Variants in IL1RAPL2 observed in about 807,000 individuals in gnomAD.
The protein encoded by IL1RAPL2 is X-linked interleukin-1 receptor accessory protein-like 2.
In IL1RAPL2, 3 loss-of-function variants were observed where a neutral mutation model predicts 44.1. That is an observed-to-expected ratio of 0.07 (90% CI 0.03 to 0.18). The LOEUF is 0.18. Among genes scored for constraint, IL1RAPL2 ranks in the 10% least tolerant of loss-of-function variants. IL1RAPL2 has a pLI of 1.00. For synonymous variants in IL1RAPL2, 181 were observed against 178.8 expected (o/e 1.01, Z -0.10); for missense variants, 391 against 496.4 (o/e 0.79, Z 2.02).
intron 5 of IL1RAPL2, among the ~76,000 whole-genome samples, chrX:105,380,146 T>C (rs944683078): frequency 8.9e-6 from 1 of 112,162 alleles, no homozygotes; most frequent in African/African-American, 3.2e-5. Context: ...GGCTATCTCA[T>C]GCTGATGGGA....
intron 6 of IL1RAPL2, among the ~76,000 whole-genome samples, chrX:105,657,256 T>C (rs1301894256): frequency 8.9e-6 from 1 of 112,536 alleles, no homozygotes; most frequent in Non-Finnish European, 1.9e-5. Context: ...TATGAGCCTG[T>C]CATTTAGAAA....
intron 3 of IL1RAPL2, among the ~76,000 whole-genome samples, chrX:105,209,551 C>A (rs1556155686): frequency 9.0e-6 from 1 of 111,713 alleles, no homozygotes; most frequent in African/African-American, 3.3e-5. Flanking sequence ...TTTCTCCCAG[C>A]AGCATTGTTT....
At chrX:105,733,876 C>T (rs943699848) in intron 7 of IL1RAPL2, among the ~76,000 whole-genome samples, 2 of 111,548 alleles carry the variant, frequency 1.8e-5, no homozygotes, top group Non-Finnish European at 3.8e-5. Context: ...TTTTGCTTTG[C>T]TTTGATTTTT....
At chrX:105,040,278 A>C (rs1267727749) in intron 2 of IL1RAPL2, among the ~76,000 whole-genome samples, 2 of 111,329 alleles carry the variant, frequency 1.8e-5, no homozygotes, top group Admixed American at 9.6e-5. Flanking sequence ...CTGGATTCGG[A>C]TTGCCAGTAT....
chrX:105,433,874 A>G (rs1399150419), intron 5 of IL1RAPL2, among the ~76,000 whole-genome samples: 1 of 111,834 alleles, frequency 8.9e-6, no homozygotes, highest in Non-Finnish European at 1.9e-5. Flanking sequence ...AAGAAAAAAA[A>G]TGATAAATTA....
intron 1 of IL1RAPL2, among the ~76,000 whole-genome samples, chrX:104,594,595 TAC>T (rs1569277062): frequency 2.7e-5 from 3 of 112,037 alleles, no homozygotes; most frequent in African/African-American, 6.5e-5. Context: ...TTTTAGAACT[TAC>T]AGTCTATTGA....
intron 2 of IL1RAPL2, among the ~76,000 whole-genome samples, chrX:104,756,069 T>C (rs936275998): frequency 3.8e-4 from 42 of 111,234 alleles, no homozygotes; most frequent in African/African-American, 1.3e-3. Context: ...TCTTACCTCC[T>C]GCTTGTGTGA....
At chrX:105,251,738 T>G in intron 4 of IL1RAPL2, among the ~76,000 whole-genome samples, 1 of 110,160 alleles carries the variant, frequency 9.1e-6, no homozygotes, top group Non-Finnish European at 1.9e-5. Flanking sequence ...TAAATATCAC[T>G]GGACCTCAAT....
intron 2 of IL1RAPL2, among the ~76,000 whole-genome samples, chrX:104,811,869 C>T (rs1932984417): frequency 9.0e-6 from 1 of 110,955 alleles, no homozygotes; most frequent in Admixed American, 9.6e-5. Flanking sequence ...GATCTGATCA[C>T]TGAGAGACTG....
chrX:104,870,055 TA>T (rs1569330309), intron 2 of IL1RAPL2, among the ~76,000 whole-genome samples: 4 of 112,376 alleles, frequency 3.6e-5, no homozygotes. Context: ...GTTTTTCCAC[TA>T]TCACTACAAT....
chrX:105,035,382 C>G (rs910555745), intron 2 of IL1RAPL2, among the ~76,000 whole-genome samples: 1 of 112,006 alleles, frequency 8.9e-6, no homozygotes, highest in African/African-American at 3.2e-5. Flanking sequence ...GCCATCTTGG[C>G]TCCACCCTCT....
chrX:104,585,239 T>C (rs1928489094), intron 1 of IL1RAPL2, among the ~76,000 whole-genome samples: 1 of 50,752 alleles, frequency 2.0e-5, no homozygotes, highest in Non-Finnish European at 3.2e-5. Context: ...TGTATATATA[T>C]AATATATGAT....
chrX:105,363,664 T>C (rs1460682991), intron 5 of IL1RAPL2, among the ~76,000 whole-genome samples: 1 of 110,266 alleles, frequency 9.1e-6, no homozygotes, highest in East Asian at 2.8e-4. Flanking sequence ...GATACCTCAT[T>C]ATGAATTTAA....
intron 2 of IL1RAPL2, among the ~76,000 whole-genome samples, chrX:104,956,068 T>C (rs1256328796): frequency 8.9e-6 from 1 of 112,047 alleles, no homozygotes; most frequent in African/African-American, 3.2e-5. Flanking sequence ...TGGTAAACTG[T>C]CTCTCAGGAT....
chrX:104,778,030 T>A (rs1053133739), intron 2 of IL1RAPL2, among the ~76,000 whole-genome samples: 3 of 111,760 alleles, frequency 2.7e-5, no homozygotes, highest in Non-Finnish European at 3.8e-5. Flanking sequence ...GTTTTTTTTT[T>A]ATTTTTGATA....
intron 6 of IL1RAPL2, among the ~76,000 whole-genome samples, chrX:105,504,570 G>A (rs2036418170): frequency 9.0e-6 from 1 of 111,114 alleles, no homozygotes; most frequent in African/African-American, 3.3e-5. Flanking sequence ...ACCGAGGAGA[G>A]CAAAATCTGG....
intron 9 of IL1RAPL2, among the ~76,000 whole-genome samples, chrX:105,750,008 A>G (rs2038582545): frequency 9.0e-6 from 1 of 111,382 alleles, no homozygotes; most frequent in Admixed American, 9.6e-5. Context: ...TTGTACCAAA[A>G]TAAGTAAGGT....
intron 2 of IL1RAPL2, among the ~76,000 whole-genome samples, chrX:105,086,704 ATGTGTGTGTGTG>A (rs10536420): frequency 1.9e-5 from 2 of 104,330 alleles, no homozygotes; most frequent in Admixed American, 2.1e-4. Flanking sequence ...TTGTATATAT[ATGTGTGTGTGTG>A]TGTGTGTGTG....
chrX:104,654,513 A>G (rs1245054259), intron 1 of IL1RAPL2, among the ~76,000 whole-genome samples: 1 of 111,120 alleles, frequency 9.0e-6, no homozygotes, highest in Non-Finnish European at 1.9e-5. Context: ...CATAGGCAGC[A>G]AGGAGGAGAG....
Sources: gnomAD v4.1 joint callset for allele counts (sites outside exome capture counted in the v4.1 genomes callset) on GRCh38, gnomAD v4.1.1 for gene constraint, MANE v1.5 for transcripts, NCBI Gene and HGNC (gene_info 2026-07-23, HGNC 2026-07-21) for gene names.